Variants in KLHL25 observed in about 807,000 individuals in gnomAD.
The protein encoded by KLHL25 is kelch like family member 25, also known as kelch-like protein 25.
Under a neutral mutation model 30.0 loss-of-function variants are expected in KLHL25, and 41 were observed. The observed-to-expected ratio is 1.37, with a 90% CI of 1.07 to 1.78. KLHL25 has a LOEUF of 1.78. Among genes scored for constraint, KLHL25 ranks in the 40% most tolerant of loss-of-function variants. The pLI, the probability that KLHL25 is intolerant of heterozygous loss-of-function variation, is 0.00. For synonymous variants in KLHL25, 399 were observed against 355.3 expected (o/e 1.12, Z -1.38); for missense variants, 971 against 824.5 (o/e 1.18, Z -2.18).
chr15:85,767,928 G>A (rs139515828), intron 2 of KLHL25, 89 bp downstream of exon 2: 32 of 846,924 alleles, frequency 3.8e-5, no homozygotes, highest in African/African-American at 1.2e-4. Context: ...TGGAAGACAC[G>A]GTGACCTTCA....
chr15:85,770,936 T>C (rs1243425568), intron 1 of KLHL25: 3 of 243,494 alleles, frequency 1.2e-5, no homozygotes. Flanking sequence ...CCCAGTTCAG[T>C]ACTTTGAACT....
chr15:85,768,481 G>C lies in KLHL25; in HGVS notation c.1330C>G (p.Leu444Val), dbSNP rs2089640157. Residue 444 changes from leucine (L) to valine (V), a missense_variant, in exon 2 of 3, where the codon CTG becomes GTG. Leu to Val is a conservative substitution (Grantham distance 32). Transcript: ENST00000337975. ...VSNAAVVSAK[L>V]KLFVFGGTSI... Reference sequence around the variant, plus strand: ...GTTCCTCCGAAAACAAAGAGCTTCAGCTTGGCACTCACCACTGCGGCATTG... The same window carrying C: ...GTTCCTCCGAAAACAAAGAGCTTCACCTTGGCACTCACCACTGCGGCATTG... 1 of 1,613,676 alleles carries C rather than the reference G, an allele frequency of 6.2e-7. No individual in the cohort carries two copies. The highest frequency in any genetic ancestry group is 8.5e-7 in the Non-Finnish European group (1 of 1,179,998).
chr15:85,768,371 C>T lies in KLHL25; in HGVS notation c.1440G>A (p.Gln480=). 6.2e-7 allele frequency: 1 copy of T among 1,613,730 alleles called. No homozygotes were observed. The highest frequency in any genetic ancestry group is 8.5e-7 in the Non-Finnish European group (1 of 1,180,010). ...CGGCAGCGGCTGTGTACCGCCAAGG[C>T]TGGGGGCACTCGGCCTTGATCGTCC... The part of the protein sequence containing the change: ...NRWTIKAECP[Q]PWRYTAAAVL... The change falls in exon 2 of 3, where the codon CAG becomes CAA. Residue 480 remains glutamine (Q), a synonymous_variant. Transcript: ENST00000337975.
In KLHL25 at chr15:85,778,387, A is replaced by T. The variant is rs142203980; in HGVS notation, c.-10-8567T>A. On this transcript the variant is annotated intron_variant, in intron 1 of 2. Coordinates refer to ENST00000337975, the MANE Select transcript of KLHL25 (RefSeq NM_022480.4). ...AAAAATTTACCGATAAGAAAATAGAAGCTTGCAGGTTAATGATAATGGCAA... is the reference window on the plus strand; with the variant it reads ...AAAAATTTACCGATAAGAAAATAGATGCTTGCAGGTTAATGATAATGGCAA... Among the ~76,000 whole-genome samples, 20 of 152,354 alleles carry T rather than the reference A, an allele frequency of 1.3e-4. No individual in the cohort carries two copies. In the East Asian group the frequency reaches 3.3e-3, roughly 25 times the overall value.
rs1469123493 is a variant in KLHL25 at position 85,770,565 on chromosome 15, T to C, written c.-10-745A>G. 7.5e-6 allele frequency: 4 copies of C among 533,442 alleles called. No homozygotes were observed. In the African/African-American group the frequency reaches 7.7e-5, roughly 10 times the overall value. 33.0% of individuals were successfully genotyped at this position (533,442 alleles called of 1,614,324 possible). ...AATCCAGGTGTCTCCACAGGGCTCT[T>C]TACCTAGCTGGGGCAAGTGATGGCT... On this transcript the variant is annotated intron_variant, in intron 1 of 2. Transcript: ENST00000337975.
chr15:85,769,652 G>A lies in KLHL25; in HGVS notation c.159C>T (p.Gly53=), dbSNP rs772611361. The A allele has an allele frequency of 2.0e-5, 32 of 1,613,416 alleles. No homozygotes were observed. The South Asian group carries it at 2.7e-4, about 14-fold the overall frequency. Reference sequence around the variant, plus strand: ...CACGGTGACAGGGGAAGGCACGGTCGCCCGCCCAGAGTGTGACGTCGGTGA... The same window carrying A: ...CACGGTGACAGGGGAAGGCACGGTCACCCGCCCAGAGTGTGACGTCGGTGA... ...CMFTDVTLWA[G]DRAFPCHRAV... Residue 53 remains glycine, a synonymous_variant, in exon 2 of 3, where the codon GGC becomes GGT. Transcript: ENST00000337975.
chr15:85,784,551 A>AAT (rs1567243058), intron 1 of KLHL25, among the ~76,000 whole-genome samples: 2 of 145,464 alleles, frequency 1.4e-5, no homozygotes, highest in Non-Finnish European at 3.1e-5. Context: ...AAAAAATAAA[A>AAT]AAAAAAGCAG....
At chr15:85,784,256 C>T (rs1416278458) in intron 1 of KLHL25, among the ~76,000 whole-genome samples, 4 of 152,160 alleles carry the variant, frequency 2.6e-5, no homozygotes, top group Admixed American at 6.5e-5. Context: ...TGGCTGGGCA[C>T]GGTGGCTCAT....
intron 1 of KLHL25, among the ~76,000 whole-genome samples, chr15:85,781,068 A>G (rs1339731813): frequency 1.3e-5 from 2 of 152,220 alleles, no homozygotes; most frequent in Non-Finnish European, 2.9e-5. Flanking sequence ...GCAGTGGCTC[A>G]TGCTTGTAAT....
At chr15:85,763,058 T>C (rs1483046614) in intron 2 of KLHL25, 1 of 151,982 alleles carries the variant, frequency 6.6e-6, no homozygotes, top group African/African-American at 2.4e-5. Context: ...GAAAGAAGGG[T>C]TGGGAGTCTG....
chr15:85,772,183 G>A (rs1457832886), intron 1 of KLHL25, among the ~76,000 whole-genome samples: 1 of 152,184 alleles, frequency 6.6e-6, no homozygotes, highest in Non-Finnish European at 1.5e-5. Flanking sequence ...TCTGCAGACC[G>A]TGCTGGGGGA....
intron 2 of KLHL25, chr15:85,761,864 G>A (rs547612708): frequency 2.0e-5 from 3 of 152,232 alleles, no homozygotes; most frequent in Non-Finnish European, 4.4e-5. Flanking sequence ...TAAGCTGTAC[G>A]TGTTAGTTTT....
At chr15:85,766,144 G>A (rs1483580800) in intron 2 of KLHL25, among the ~76,000 whole-genome samples, 1 of 152,244 alleles carries the variant, frequency 6.6e-6, no homozygotes, top group Non-Finnish European at 1.5e-5. Context: ...GCTCGGGCCA[G>A]CTCCTGAAAG....
chr15:85,790,479 T>C (rs192216526), intron 1 of KLHL25, among the ~76,000 whole-genome samples: 1 of 152,338 alleles, frequency 6.6e-6, no homozygotes, highest in East Asian at 1.9e-4. Flanking sequence ...TCGAGCCTTA[T>C]AAAACTGCTG....
chr15:85,770,539 G>T (rs1555469754), intron 1 of KLHL25: 1 of 534,286 alleles, frequency 1.9e-6, no homozygotes, highest in South Asian at 1.4e-5. Context: ...CATGTTCTCT[G>T]AATCCAGGTG....
In KLHL25 at chr15:85,768,149, A is replaced by G; in HGVS notation, c.1662T>C (p.Thr554=). The change falls in exon 2 of 3, where the codon ACT becomes ACC. Residue 554 remains threonine, a synonymous_variant. Coordinates refer to ENST00000337975, the MANE Select transcript of KLHL25 (RefSeq NM_022480.4). ...GGYFGTQRCK[T]LDCYDPTSDT... ...CTGAAGTGGGGTCATAGCAGTCCAGAGTCTTACACCTCTGGGTCCCAAAGT... is the reference window on the plus strand; with the variant it reads ...CTGAAGTGGGGTCATAGCAGTCCAGGGTCTTACACCTCTGGGTCCCAAAGT... 6.2e-7 allele frequency: 1 copy of G among 1,614,176 alleles called. No individual in the cohort carries two copies. Among genetic ancestry groups the G allele is most frequent in the Non-Finnish European group, 8.5e-7 (1 of 1,180,040 alleles).
chr15:85,769,688 C>A lies in KLHL25; in HGVS notation c.123G>T (p.Lys41Asn). 3 of 1,613,956 alleles carry A rather than the reference C, an allele frequency of 1.9e-6. No homozygotes were observed. Among genetic ancestry groups the A allele is most frequent in the Non-Finnish European group, 1.7e-6 (2 of 1,180,046 alleles). The part of the protein sequence containing the change: ...CVLAHLNTLR[K>N]HCMFTDVTLW... ...GTGTGACGTCGGTGAACATGCAGTG[C>A]TTGCGAAGCGTGTTGAGGTGGGCCA... The change falls in exon 2 of 3, where the codon AAG becomes AAT. Residue 41 changes from lysine (K) to asparagine (N), a missense_variant. By Grantham distance (94) the Lys-to-Asn change is moderately conservative. Coordinates refer to ENST00000337975, the MANE Select transcript of KLHL25 (RefSeq NM_022480.4).
At chr15:85,775,354 T>C (rs1396196201) in intron 1 of KLHL25, among the ~76,000 whole-genome samples, 1 of 152,130 alleles carries the variant, frequency 6.6e-6, no homozygotes, top group Non-Finnish European at 1.5e-5. Context: ...TCAGGCTGCA[T>C]GAGGTTGGGT....
In KLHL25 at chr15:85,789,894, A is replaced by C. The variant is rs1191130987; in HGVS notation, c.-11+4872T>G. ...GTGGGCAGGGACAGGGAACTGCCAGAGGCTCAAGGAGAACAGCCCCGTCCC... is the reference window on the plus strand; with the variant it reads ...GTGGGCAGGGACAGGGAACTGCCAGCGGCTCAAGGAGAACAGCCCCGTCCC... On this transcript the variant is annotated intron_variant, in intron 1 of 2. Transcript: ENST00000337975. The surrounding 1 kb of genome is among the most constrained non-coding windows in gnomAD (Gnocchi z 4.1). 1.3e-5 allele frequency among the ~76,000 whole-genome samples: 2 copies of C among 152,208 alleles called. No individual in the cohort carries two copies. The highest frequency in any genetic ancestry group is 2.9e-5 in the Non-Finnish European group (2 of 68,034).
Sources: allele counts gnomAD v4.1 joint callset (sites outside exome capture counted in the v4.1 genomes callset), GRCh38; gene constraint gnomAD v4.1.1; non-coding constraint Gnocchi (gnomAD v3.1); transcripts MANE v1.5; gene names NCBI Gene and HGNC (gene_info 2026-07-23, HGNC 2026-07-21).